The following FAM13C variants were observed in gnomAD, a reference collection of about 807,000 sequenced individuals.
The protein encoded by FAM13C is family with sequence similarity 13 member C.
Under a neutral mutation model 73.2 loss-of-function variants are expected in FAM13C, and 37 were observed. That is an observed-to-expected ratio of 0.51 (90% confidence interval 0.39 to 0.67). FAM13C has a LOEUF of 0.67. Ranked by LOEUF, FAM13C falls within the 30% of genes least tolerant of loss-of-function variation. The pLI is 0.00. For missense variants in FAM13C, 589 were observed against 715.6 expected (o/e 0.82, Z 2.02); for synonymous variants, 246 against 260.9 (o/e 0.94, Z 0.55).
chr10:59,341,929 C>T (rs1474224629), intron 3 of FAM13C, among the ~76,000 whole-genome samples: 1 of 152,180 alleles, frequency 6.6e-6, no homozygotes, highest in Non-Finnish European at 1.5e-5. Context: ...GTGACACTAG[C>T]CTCAGTCTAG....
chr10:59,355,707 G>T (rs1360945779), intron 2 of FAM13C, among the ~76,000 whole-genome samples, 180 bp downstream of exon 2: 2 of 152,144 alleles, frequency 1.3e-5, no homozygotes, highest in African/African-American at 4.8e-5. Context: ...TGCTAAGAGG[G>T]TGGTATCCAA....
At chr10:59,352,789 A>T (rs906936653) in intron 2 of FAM13C, among the ~76,000 whole-genome samples, 6 of 152,132 alleles carry the variant, frequency 3.9e-5, no homozygotes, top group Non-Finnish European at 8.8e-5. Context: ...TTTCCCTCTC[A>T]CAACAGTAAT....
At chr10:59,315,453 T>TTG (rs1564570404) in intron 4 of FAM13C, among the ~76,000 whole-genome samples, 250 of 151,954 alleles carry the variant, frequency 1.6e-3, no homozygotes, top group African/African-American at 5.3e-3. Flanking sequence ...GGGGTTTTTT[T>TTG]TGTTTTTGTG....
intron 5 of FAM13C, chr10:59,300,960 T>C (rs1401589252): frequency 6.6e-6 from 1 of 152,206 alleles, no homozygotes; most frequent in African/African-American, 2.4e-5. Context: ...CCATTAAAAA[T>C]ATAGCAATGT....
At chr10:59,248,448 A>G (rs955100256) in intron 13 of FAM13C, among the ~76,000 whole-genome samples, 6 of 152,178 alleles carry the variant, frequency 3.9e-5, no homozygotes, top group Non-Finnish European at 8.8e-5. Context: ...TAACTTGGTA[A>G]TATCAGGAGT....
intron 3 of FAM13C, among the ~76,000 whole-genome samples, chr10:59,333,679 A>G (rs2134120208): frequency 6.6e-6 from 1 of 152,166 alleles, no homozygotes; most frequent in South Asian, 2.1e-4. Flanking sequence ...GCTTTCAAAT[A>G]TCCCTCAGTG....
intron 4 of FAM13C, among the ~76,000 whole-genome samples, 181 bp from the exon 5 acceptor site, chr10:59,303,045 C>A (rs1007021909): frequency 1.3e-5 from 2 of 152,198 alleles, no homozygotes; most frequent in African/African-American, 2.4e-5. Flanking sequence ...GCACTTGAAC[C>A]CTGACAGCCT....
intron 5 of FAM13C, among the ~76,000 whole-genome samples, chr10:59,300,267 G>A (rs1847437562): frequency 6.6e-6 from 1 of 152,232 alleles, no homozygotes; most frequent in African/African-American, 2.4e-5. Flanking sequence ...TATAAGGTAC[G>A]TAGGTAGCAT....
In FAM13C at chr10:59,325,128, T is replaced by A. The variant is rs74153330; in HGVS notation, c.325-1022A>T. On this transcript the variant is annotated intron_variant, in intron 3 of 13. Transcript: ENST00000618804. ...CAGTAGCTCCAGGTGGCTACCATCATACAGGCAAATTATTCAAGCAATGCA... is the reference window on the plus strand; with the variant it reads ...CAGTAGCTCCAGGTGGCTACCATCAAACAGGCAAATTATTCAAGCAATGCA... Among the ~76,000 whole-genome samples the A allele has an allele frequency of 2.8e-3, 425 of 152,280 alleles. 2 individuals are homozygous for A. Among genetic ancestry groups the A allele is most frequent in the African/African-American group, 9.6e-3 (398 of 41,568 alleles).
chr10:59,274,572 C>T (rs1844111234), intron 6 of FAM13C, among the ~76,000 whole-genome samples: 1 of 152,236 alleles, frequency 6.6e-6, no homozygotes. Context: ...GAAAACAGGG[C>T]TGGGCTTCAT....
Position 59,362,472 on chromosome 10 carries a change from G to A in FAM13C, c.-12C>T, listed in dbSNP as rs1398411447. On this transcript the variant is annotated 5_prime_UTR_variant, in exon 1 of 14. Transcript: ENST00000618804. The stretch of plus-strand genomic sequence containing the variant: ...AAACAAGAAAACATCAGCCAAGTCT[G>A]GCCGGGGAGCCGTCTCCCTGATTGC... 6.2e-7 allele frequency: 1 copy of A among 1,612,216 alleles called. No individual in the cohort carries two copies. The highest frequency in any genetic ancestry group is 8.5e-7 in the Non-Finnish European group (1 of 1,179,230).
intron 3 of FAM13C, among the ~76,000 whole-genome samples, chr10:59,343,882 T>C (rs1853854720): frequency 6.6e-6 from 1 of 152,184 alleles, no homozygotes. Context: ...ACATGAAATA[T>C]GCAATTAAGG....
At chr10:59,251,003 G>T (rs956343971) in intron 13 of FAM13C, among the ~76,000 whole-genome samples, 1 of 152,050 alleles carries the variant, frequency 6.6e-6, no homozygotes, top group South Asian at 2.1e-4. Flanking sequence ...AAAATTGGAG[G>T]AAACTAATAG....
At chr10:59,316,125 G>A (rs2133967230) in intron 4 of FAM13C, among the ~76,000 whole-genome samples, 1 of 152,108 alleles carries the variant, frequency 6.6e-6, no homozygotes, top group Non-Finnish European at 1.5e-5. Context: ...AGTACAGATG[G>A]GGTTTCACCA....
chr10:59,251,763 G>C, intron 12 of FAM13C, 87 bp from the exon 13 acceptor site: 1 of 1,002,668 alleles, frequency 1.0e-6, no homozygotes, highest in East Asian at 2.5e-5. Context: ...AGCCAAAAAA[G>C]CATCTATGAT....
Position 59,252,825 on chromosome 10 carries a change from G to A in FAM13C, c.1506C>T (p.Ser502=). ...TGGTAGCCTCATGTAAATTAGACAT[G>A]GAGAGAGCTGGTGGTTTTACTTCTT... ...EKKEVKPPAL[S]MSNLHEATMP... is the part of the protein sequence containing the mutation. Residue 502 remains serine, a synonymous_variant, in exon 12 of 14, where the codon TCC becomes TCT. Transcript: ENST00000618804. The A allele has an allele frequency of 6.2e-7, 1 of 1,613,970 alleles. No homozygotes were observed. The highest frequency in any genetic ancestry group is 8.5e-7 in the Non-Finnish European group (1 of 1,179,958).
chr10:59,260,105 C>A (rs757042443), intron 10 of FAM13C, among the ~76,000 whole-genome samples: 1 of 151,924 alleles, frequency 6.6e-6, no homozygotes, highest in Non-Finnish European at 1.5e-5. Context: ...CCATCTAATG[C>A]TTCAACATGT....
At chr10:59,254,963 C>T (rs1194328743) in intron 10 of FAM13C, among the ~76,000 whole-genome samples, 2 of 152,092 alleles carry the variant, frequency 1.3e-5, no homozygotes, top group Non-Finnish European at 2.9e-5. Context: ...TTAAAGGATA[C>T]GTCCAAGTTT....
chr10:59,359,639 T>C (rs1207982347), intron 1 of FAM13C, among the ~76,000 whole-genome samples: 1 of 152,224 alleles, frequency 6.6e-6, no homozygotes, highest in Non-Finnish European at 1.5e-5. Flanking sequence ...CCCAGGAATG[T>C]GGATTTTTAA....
Sources: gnomAD v4.1 joint callset for allele counts (sites outside exome capture counted in the v4.1 genomes callset) on GRCh38, gnomAD v4.1.1 for gene constraint, MANE v1.5 for transcripts, NCBI Gene and HGNC (gene_info 2026-07-23, HGNC 2026-07-21) for gene names.